The following DNAH11 variants were observed in gnomAD, a reference collection of about 807,000 sequenced individuals.
DNAH11 encodes the protein dynein axonemal heavy chain 11, also known as axonemal beta dynein heavy chain 11.
In DNAH11, 442 loss-of-function variants were observed where a neutral mutation model predicts 526.0. The observed-to-expected ratio is 0.84, with a 90% CI of 0.78 to 0.91. DNAH11 has a LOEUF of 0.91. Ranked by LOEUF, DNAH11 falls within the 40% of genes least tolerant of loss-of-function variation. DNAH11 has a pLI of 0.00. For missense variants in DNAH11, 6,989 were observed against 5,448.7 expected (o/e 1.28, Z -8.90); for synonymous variants, 2,461 against 1,935.9 (o/e 1.27, Z -7.12).
intron 76 of DNAH11, among the ~76,000 whole-genome samples, chr7:21,889,773 G>A (rs1343675175): frequency 6.6e-6 from 1 of 152,164 alleles, no homozygotes; most frequent in Non-Finnish European, 1.5e-5. Flanking sequence ...CTCCTCCAAA[G>A]GCAAGAAAGT....
chr7:21,579,732 T>C (rs1483036960), intron 8 of DNAH11, among the ~76,000 whole-genome samples: 1 of 152,174 alleles, frequency 6.6e-6, no homozygotes, highest in East Asian at 1.9e-4. Context: ...CGAATTAAGA[T>C]TGTGAGTTAA....
At chr7:21,670,332 T>G (rs1782594607) in intron 30 of DNAH11, among the ~76,000 whole-genome samples, 1 of 152,032 alleles carries the variant, frequency 6.6e-6, no homozygotes, top group Non-Finnish European at 1.5e-5. Flanking sequence ...TTTCCCAGTG[T>G]TTTTGGCTGG....
intron 76 of DNAH11, among the ~76,000 whole-genome samples, chr7:21,885,074 ATAAAAT>A (rs886920893): frequency 1.8e-4 from 24 of 136,882 alleles, no homozygotes; most frequent in African/African-American, 6.2e-4. Context: ...TCAATTTAAA[ATAAAAT>A]TAAATCTAAC....
At chr7:21,683,364 T>A (rs182429002) in intron 31 of DNAH11, among the ~76,000 whole-genome samples, 31 of 152,350 alleles carry the variant, frequency 2.0e-4, no homozygotes, top group Admixed American at 1.5e-3. Context: ...AAAAGCAGAT[T>A]GGTTTTAGAA....
intron 54 of DNAH11, among the ~76,000 whole-genome samples, chr7:21,757,836 G>A (rs1041082664): frequency 2.0e-5 from 3 of 152,190 alleles, no homozygotes; most frequent in Admixed American, 1.3e-4. Flanking sequence ...AAACTTAGTG[G>A]TAACGCAAGT....
At chr7:21,725,543 G>T (rs1201681474) in intron 44 of DNAH11, among the ~76,000 whole-genome samples, 2 of 152,080 alleles carry the variant, frequency 1.3e-5, no homozygotes, top group African/African-American at 2.4e-5. Context: ...AACATTGGTA[G>T]AAGTGAACAC....
At chr7:21,702,284 G>C (rs568430541) in intron 36 of DNAH11, among the ~76,000 whole-genome samples, 1 of 152,246 alleles carries the variant, frequency 6.6e-6, no homozygotes, top group East Asian at 1.9e-4. Context: ...GAGTAATTGG[G>C]GCCATTAGGG....
intron 48 of DNAH11, among the ~76,000 whole-genome samples, chr7:21,740,999 A>G (rs1444216249): frequency 6.6e-6 from 1 of 152,084 alleles, no homozygotes; most frequent in Non-Finnish European, 1.5e-5. Flanking sequence ...TTATGTGCTT[A>G]TTGTTCATTT....
chr7:21,883,535 T>C (rs1784010878), intron 75 of DNAH11, among the ~76,000 whole-genome samples: 1 of 152,252 alleles, frequency 6.6e-6, no homozygotes, highest in South Asian at 2.1e-4. Context: ...TGGAAAATAC[T>C]AGGATTCTAA....
intron 62 of DNAH11, among the ~76,000 whole-genome samples, chr7:21,806,214 CTA>C (rs1789257985): frequency 1.3e-5 from 2 of 152,128 alleles, no homozygotes; most frequent in Admixed American, 6.5e-5. Flanking sequence ...GCCAATCAGT[CTA>C]TGTTTAGTGA....
intron 39 of DNAH11, among the ~76,000 whole-genome samples, chr7:21,706,701 T>G (rs1160063700): frequency 1.3e-5 from 2 of 152,184 alleles, no homozygotes; most frequent in African/African-American, 4.8e-5. Context: ...ACTCAACAGG[T>G]ACGTAACCCG....
intron 6 of DNAH11, among the ~76,000 whole-genome samples, chr7:21,567,303 C>T (rs551792169): frequency 6.6e-6 from 1 of 152,088 alleles, no homozygotes; most frequent in African/African-American, 2.4e-5. Flanking sequence ...ATTGTATTTC[C>T]TCTTGTCACC....
chr7:21,833,947 C>G (rs1438902839), intron 65 of DNAH11, among the ~76,000 whole-genome samples: 4 of 151,996 alleles, frequency 2.6e-5, no homozygotes, highest in African/African-American at 4.8e-5. Context: ...ACAGAACATC[C>G]AGATAGAAAA....
chr7:21,880,676 C>T, intron 74 of DNAH11, 26 bp from the exon 75 acceptor site: 4 of 1,611,704 alleles, frequency 2.5e-6, no homozygotes, highest in Non-Finnish European at 3.4e-6. Flanking sequence ...GATGGATAAT[C>T]AAGCATTTCT....
chr7:21,651,570 A>T (rs1387016539), intron 28 of DNAH11, among the ~76,000 whole-genome samples: 1 of 152,182 alleles, frequency 6.6e-6, no homozygotes, highest in East Asian at 1.9e-4. Flanking sequence ...CGGTAGATCA[A>T]CTGATCACTG....
chr7:21,857,486 T>C (rs1782895593), intron 68 of DNAH11, among the ~76,000 whole-genome samples: 1 of 152,058 alleles, frequency 6.6e-6, no homozygotes, highest in African/African-American at 2.4e-5. Flanking sequence ...TCCTGAAAAT[T>C]TGTGTGAAAA....
At chr7:21,897,562 T>C (rs988339792) in intron 79 of DNAH11, among the ~76,000 whole-genome samples, 1 of 152,250 alleles carries the variant, frequency 6.6e-6, no homozygotes, top group Admixed American at 6.5e-5. Context: ...TGGAACATGA[T>C]GTGCCCTTGA....
At chr7:21,843,233 C>T (rs996021250) in intron 66 of DNAH11, among the ~76,000 whole-genome samples, 1 of 151,830 alleles carries the variant, frequency 6.6e-6, no homozygotes, top group African/African-American at 2.4e-5. Flanking sequence ...AGCAACATAG[C>T]CTTAAAATGT....
chr7:21,785,513 G>A (rs2127986251), intron 58 of DNAH11, among the ~76,000 whole-genome samples: 1 of 152,290 alleles, frequency 6.6e-6, no homozygotes, highest in East Asian at 1.9e-4. Context: ...TATTTTATAT[G>A]ACTAATTCTT....
Sources: gnomAD v4.1 joint callset for allele counts (sites outside exome capture counted in the v4.1 genomes callset) on GRCh38, gnomAD v4.1.1 for gene constraint, MANE v1.5 for transcripts, NCBI Gene and HGNC (gene_info 2026-07-23, HGNC 2026-07-21) for gene names.